Variants in PRIM2 observed in about 807,000 individuals in gnomAD.
The protein encoded by PRIM2 is DNA primase subunit 2, also known as DNA primase large subunit.
PRIM2 carries 39 observed loss-of-function variants against 67.3 expected under a neutral mutation model. That is an observed-to-expected ratio of 0.58 (90% CI 0.45 to 0.76). The LOEUF (loss-of-function observed/expected upper bound fraction) is 0.76. PRIM2 is among the 30% of genes least tolerant of loss of function. PRIM2 has a pLI of 0.00. For synonymous variants in PRIM2, 143 were observed against 198.7 expected (o/e 0.72, Z 2.36); for missense variants, 398 against 598.7 (o/e 0.66, Z 3.50).
the PRIM2 span, among the ~76,000 whole-genome samples, chr6:57,232,577 C>T: frequency 1.3e-5 from 2 of 152,034 alleles, no homozygotes; most frequent in African/African-American, 4.8e-5. Flanking sequence ...TAAAATTTTA[C>T]CAAGGGATGG....
At chr6:57,290,776 A>C in the PRIM2 span, among the ~76,000 whole-genome samples, 1 of 152,236 alleles carries the variant, frequency 6.6e-6, no homozygotes, top group East Asian at 1.9e-4. Flanking sequence ...AAACGAAGGC[A>C]GAAATAAAGA....
chr6:57,534,745 C>T (rs1380480863), intron 9 of PRIM2, among the ~76,000 whole-genome samples: 1 of 152,198 alleles, frequency 6.6e-6, no homozygotes, highest in Non-Finnish European at 1.5e-5. Context: ...TCTTCTGCTC[C>T]ATTCCGGCTC....
chr6:57,412,522 G>T (rs1489867504), intron 7 of PRIM2, among the ~76,000 whole-genome samples: 47 of 151,800 alleles, frequency 3.1e-4, no homozygotes, highest in Non-Finnish European at 5.2e-4. Flanking sequence ...TTATGGAACG[G>T]CTTTTATCTA....
At chr6:57,545,765 A>G (rs1244375543) in intron 10 of PRIM2, among the ~76,000 whole-genome samples, 2 of 152,210 alleles carry the variant, frequency 1.3e-5, no homozygotes, top group Non-Finnish European at 2.9e-5. Context: ...GAGTCTTCCA[A>G]GAGATTTATT....
intron 3 of PRIM2, among the ~76,000 whole-genome samples, chr6:57,323,133 G>C (rs959229940): frequency 6.6e-6 from 1 of 151,510 alleles, no homozygotes; most frequent in Non-Finnish European, 1.5e-5. Flanking sequence ...AAATTCTTAG[G>C]GCACCGCCTG....
chr6:57,395,858 G>T (rs1405200920), intron 7 of PRIM2, among the ~76,000 whole-genome samples: 2 of 152,060 alleles, frequency 1.3e-5, no homozygotes, highest in African/African-American at 2.4e-5. Context: ...TTGATAGGTT[G>T]TGTCATTATT....
At chr6:57,407,311 C>T (rs1770924169) in intron 7 of PRIM2, among the ~76,000 whole-genome samples, 1 of 151,420 alleles carries the variant, frequency 6.6e-6, no homozygotes, top group Non-Finnish European at 1.5e-5. Flanking sequence ...AGTATATTTT[C>T]ATTAATCCTT....
intron 10 of PRIM2, among the ~76,000 whole-genome samples, chr6:57,564,458 T>G (rs1775697754): frequency 6.6e-6 from 1 of 152,246 alleles, no homozygotes; most frequent in South Asian, 2.1e-4. Context: ...TTGGCTATTT[T>G]TATTAAACTC....
the PRIM2 span, among the ~76,000 whole-genome samples, chr6:57,245,134 T>G: frequency 1.3e-5 from 2 of 152,132 alleles, no homozygotes; most frequent in Non-Finnish European, 2.9e-5. Flanking sequence ...AGTCTAGGCT[T>G]AGGTGCAGGC....
intron 12 of PRIM2, among the ~76,000 whole-genome samples, chr6:57,627,279 CAAAAAAAAAA>C (rs1158722297): frequency 2.6e-3 from 64 of 24,530 alleles, no homozygotes; most frequent in African/African-American, 5.0e-3. Flanking sequence ...GACTCTGTCT[CAAAAAAAAAA>C]AAAAAAAAAA....
At chr6:57,274,427 C>A in the PRIM2 span, among the ~76,000 whole-genome samples, 1 of 152,240 alleles carries the variant, frequency 6.6e-6, no homozygotes, top group Non-Finnish European at 1.5e-5. Context: ...CCCTCTGAGC[C>A]AGGTGTGGGA....
intron 10 of PRIM2, among the ~76,000 whole-genome samples, chr6:57,580,489 T>G (rs1383422241): frequency 2.0e-5 from 3 of 152,170 alleles, no homozygotes; most frequent in African/African-American, 7.2e-5. Flanking sequence ...CAGGAAAAAC[T>G]TTTTATGCTT....
the PRIM2 span, chr6:57,221,622 G>A: frequency 6.6e-6 from 1 of 152,450 alleles, no homozygotes; most frequent in Non-Finnish European, 1.5e-5. Flanking sequence ...CCCCAGTCGG[G>A]ACTTGGGGCA....
intron 7 of PRIM2, among the ~76,000 whole-genome samples, chr6:57,415,750 C>T (rs1270620237): frequency 6.6e-6 from 1 of 152,220 alleles, no homozygotes; most frequent in Non-Finnish European, 1.5e-5. Context: ...CAACAATGTT[C>T]ATAGCATCTT....
chr6:57,519,774 T>C (rs1414403608), intron 8 of PRIM2, among the ~76,000 whole-genome samples: 50 of 152,328 alleles, frequency 3.3e-4, no homozygotes, highest in African/African-American at 1.1e-3. Context: ...GGGGAACTGA[T>C]AAGTGTCCAT....
chr6:57,369,148 G>A (rs1431889133), intron 5 of PRIM2, among the ~76,000 whole-genome samples: 1 of 152,152 alleles, frequency 6.6e-6, no homozygotes, highest in Non-Finnish European at 1.5e-5. Context: ...GGTGAATAGC[G>A]ATACAGTCTA....
intron 7 of PRIM2, among the ~76,000 whole-genome samples, chr6:57,426,048 T>C (rs34990605): frequency 2.6e-5 from 4 of 152,224 alleles, no homozygotes; most frequent in Non-Finnish European, 5.9e-5. Flanking sequence ...TCAAATATGA[T>C]AATTGAAGAT....
intron 3 of PRIM2, among the ~76,000 whole-genome samples, chr6:57,321,868 A>T (rs550308003): frequency 1.3e-5 from 2 of 152,302 alleles, no homozygotes; most frequent in East Asian, 3.9e-4. Flanking sequence ...AGCTCATAAG[A>T]TGGTAAATGG....
chr6:57,314,344 G>A (rs7769254), upstream of PRIM2, among the ~76,000 whole-genome samples: 5,190 of 152,146 alleles, frequency 0.034, 288 homozygotes, highest in African/African-American at 0.12. Flanking sequence ...GTGAAACCCC[G>A]TCTCTACTAA....
Sources: allele counts gnomAD v4.1 joint callset (sites outside exome capture counted in the v4.1 genomes callset), GRCh38; gene constraint gnomAD v4.1.1; transcripts MANE v1.5; gene names NCBI Gene and HGNC (gene_info 2026-07-23, HGNC 2026-07-21).